The following USP39 variants were observed in gnomAD, a reference collection of about 807,000 sequenced individuals.
The protein encoded by USP39 is ubiquitin specific peptidase 39, also known as ubiquitin carboxyl-terminal hydrolase 39.
Under a neutral mutation model 66.4 loss-of-function variants are expected in USP39, and 38 were observed. The observed-to-expected ratio is 0.57, with a 90% CI of 0.44 to 0.75. The LOEUF (loss-of-function observed/expected upper bound fraction) is 0.75, where lower values mean the gene tolerates loss of function less well. Among genes scored for constraint, USP39 ranks in the 30% least tolerant of loss-of-function variants. The pLI is 0.00. For missense variants in USP39, 608 were observed against 714.4 expected (o/e 0.85, Z 1.70); for synonymous variants, 303 against 274.6 (o/e 1.10, Z -1.02).
At chr2:85,618,109 C>T (rs1326984013) in intron 1 of USP39, among the ~76,000 whole-genome samples, 3 of 152,076 alleles carry the variant, frequency 2.0e-5, no homozygotes, top group Admixed American at 6.5e-5. Flanking sequence ...TGCATGCCAC[C>T]ATGCCCGGCT....
In USP39 at chr2:85,648,915, C is replaced by A; in HGVS notation, c.*107C>A. 1.5e-6 allele frequency: 2 copies of A among 1,374,258 alleles called. No individual in the cohort carries two copies. Among genetic ancestry groups the A allele is most frequent in the Non-Finnish European group, 2.0e-6 (2 of 976,030 alleles). 85.1% of individuals were successfully genotyped at this position (1,374,258 alleles called of 1,614,324 possible). A position where few individuals can be genotyped will look rare whatever the true frequency, so the allele number is the denominator to read the frequency against. On this transcript the variant is annotated 3_prime_UTR_variant, in exon 13 of 13. Transcript: ENST00000323701. ...CTGGCTGGTGGGCTTCCTAGGCCAG[C>A]CCAGCTTGTATGGGTTCTGGCTACA... is the stretch of plus-strand genomic sequence containing the variant.
chr2:85,612,746 C>T (rs868092061), upstream of USP39, among the ~76,000 whole-genome samples: 4 of 152,068 alleles, frequency 2.6e-5, no homozygotes, highest in Middle Eastern at 3.4e-3. Context: ...CTGCAACCTC[C>T]GCCTCCCGGG....
intron 9 of USP39, chr2:85,639,612 G>A: frequency 2.4e-6 from 1 of 411,580 alleles, no homozygotes; most frequent in South Asian, 4.0e-5. Flanking sequence ...CCGCCACCAT[G>A]ACTGGCTAAT....
intron 4 of USP39, among the ~76,000 whole-genome samples, chr2:85,624,106 G>A (rs993608925): frequency 6.6e-6 from 1 of 152,124 alleles, no homozygotes; most frequent in African/African-American, 2.4e-5. Context: ...ATTGGTCCTG[G>A]TGTAGGACAG....
At position 85,648,764 on chromosome 2, in the gene USP39, T is replaced by C; in HGVS notation, c.1654T>C (p.Trp552Arg). 6.2e-7 allele frequency: 1 copy of C among 1,614,118 alleles called. No homozygotes were observed. Among genetic ancestry groups the C allele is most frequent in the Non-Finnish European group, 8.5e-7 (1 of 1,179,962 alleles). ...TTTGTGTTTTCATTTCTTACAGATTTGGAAGAGGCGAGATAATGATGAAAC... is the reference window on the plus strand; with the variant it reads ...TTTGTGTTTTCATTTCTTACAGATTCGGAAGAGGCGAGATAATGATGAAAC... ...ITLSEAYIQI[W>R]KRRDNDETNQ... is the part of the protein sequence containing the mutation. The change falls in exon 13 of 13, where the codon TGG becomes CGG. Residue 552 changes from tryptophan (W) to arginine (R), a missense_variant. By Grantham distance (101) the Trp-to-Arg change is moderately radical. This residue lies in a region of USP39 where 164 missense variants were observed against 250.3 expected (regional missense o/e 0.66). Coordinates refer to ENST00000323701, the MANE Select transcript of USP39 (RefSeq NM_006590.4).
chr2:85,612,376 C>G (rs1302317408), upstream of USP39: 8 of 1,535,512 alleles, frequency 5.2e-6, no homozygotes, highest in East Asian at 1.7e-4. Context: ...GGATGCTGTG[C>G]AATCCATCGC....
intron 10 of USP39, among the ~76,000 whole-genome samples, chr2:85,642,224 TC>T (rs1319445721): frequency 6.6e-6 from 1 of 152,196 alleles, no homozygotes; most frequent in Admixed American, 6.6e-5. Flanking sequence ...CAGGGGAATT[TC>T]TTTTTCTCTT....
chr2:85,622,334 A>G (rs1356205953), intron 3 of USP39, among the ~76,000 whole-genome samples: 1 of 145,204 alleles, frequency 6.9e-6, no homozygotes, highest in Non-Finnish European at 1.5e-5. Context: ...TATTGGCCAC[A>G]CTGGTCTTGA....
At chr2:85,603,589 CTTTT>C (rs1405108736) in intron 1 of USP39, among the ~76,000 whole-genome samples, 1 of 150,590 alleles carries the variant, frequency 6.6e-6, no homozygotes, top group Non-Finnish European at 1.5e-5. Context: ...TTTACTTTTT[CTTTT>C]TCTTTTTTTT....
In USP39 at chr2:85,640,994, G is replaced by C; in HGVS notation, c.1303G>C (p.Glu435Gln). ...ITEKEYKTYK[E>Q]NFLKRFQLTK... is the part of the protein sequence containing the mutation. ...TCTCTAGGAATATAAGACTTACAAG[G>C]AGAACTTTCTGAAGCGCTTCCAGCT... Residue 435 changes from glutamate (E) to glutamine (Q), a missense_variant, in exon 10 of 13, where the codon GAG becomes CAG. By Grantham distance (29) the Glu-to-Gln change is conservative. Coordinates refer to ENST00000323701, the MANE Select transcript of USP39 (RefSeq NM_006590.4). The C allele has an allele frequency of 6.2e-7, 1 of 1,611,588 alleles. No homozygotes were observed. The highest frequency in any genetic ancestry group is 8.5e-7 in the Non-Finnish European group (1 of 1,179,518).
rs901882971 is a variant in USP39, at chr2:85,649,174, C to T, written c.*366C>T. 5.0e-5 allele frequency: 10 copies of T among 200,944 alleles called. No homozygotes were observed. Among genetic ancestry groups the T allele is most frequent in the Non-Finnish European group, 8.0e-5 (8 of 100,474 alleles). The allele number at this position is 200,944 out of a possible 1,614,324, so 12.4% of individuals were successfully genotyped here. A position where few individuals can be genotyped will look rare whatever the true frequency, so the allele number is the denominator to read the frequency against. On this transcript the variant is annotated 3_prime_UTR_variant, in exon 13 of 13. Coordinates refer to ENST00000323701, the MANE Select transcript of USP39 (RefSeq NM_006590.4). ...CAAGCCTTGGGATTCTTGGAGCAAG[C>T]AGAAAGCCAGTAACTTCGCTCTGTT...
At chr2:85,614,760 T>C (rs898667963), upstream of USP39, among the ~76,000 whole-genome samples, 3 of 152,220 alleles carry the variant, frequency 2.0e-5, no homozygotes, top group South Asian at 4.1e-4. Context: ...TCTCCAGATA[T>C]TGGGATATTA....
intron 5 of USP39, among the ~76,000 whole-genome samples, chr2:85,629,934 C>T (rs1226865420): frequency 6.6e-6 from 1 of 152,018 alleles, no homozygotes; most frequent in Non-Finnish European, 1.5e-5. Flanking sequence ...TGCACTCCAG[C>T]CTGGGGGATG....
At chr2:85,628,729 A>G (rs1453251879) in intron 5 of USP39, among the ~76,000 whole-genome samples, 2 of 152,168 alleles carry the variant, frequency 1.3e-5, no homozygotes, top group East Asian at 3.9e-4. Flanking sequence ...GAGAATTAGG[A>G]TAAACTTTGT....
chr2:85,643,094 A>G (rs970282931), intron 10 of USP39, among the ~76,000 whole-genome samples: 2 of 151,930 alleles, frequency 1.3e-5, no homozygotes, highest in Non-Finnish European at 2.9e-5. Flanking sequence ...AAAAAAATGA[A>G]TAGTTTGCTC....
At chr2:85,634,071 T>G (rs1415878349) in intron 6 of USP39, among the ~76,000 whole-genome samples, 1 of 150,330 alleles carries the variant, frequency 6.7e-6, no homozygotes. Context: ...TCTCCTGACC[T>G]CGTGATCCGT....
rs1305725553 is a variant in USP39 at position 85,625,666 on chromosome 2, A to G, written c.698A>G (p.Asn233Ser). 1.2e-6 allele frequency: 2 copies of G among 1,613,688 alleles called. No homozygotes were observed. The highest frequency in any genetic ancestry group is 1.7e-6 in the Non-Finnish European group (2 of 1,179,704). ...GIVGLNNIKA[N>S]DYANAVLQAL... ...GTGGGACTGAATAACATAAAGGCCA[A>G]TGATTATGCCAACGCTGTCCTTCAG... The change falls in exon 5 of 13, where the codon AAT (asparagine) becomes AGT (serine). Residue 233 changes from asparagine (N) to serine (S), a missense_variant. Asn to Ser is a conservative substitution (Grantham distance 46). Around this residue, in one of 6 missense-constraint regions of USP39, gnomAD observed 115 missense variants for 198.6 expected, o/e 0.58. Transcript: ENST00000323701.
chr2:85,636,200 G>A (rs1675756647), intron 7 of USP39, 70 bp downstream of exon 7: 1 of 1,425,602 alleles, frequency 7.0e-7, no homozygotes, highest in Admixed American at 1.7e-5. Flanking sequence ...GGTCGCAATG[G>A]CTCATGCCTA....
intron 6 of USP39, among the ~76,000 whole-genome samples, chr2:85,631,794 G>C (rs192287510): frequency 6.6e-6 from 1 of 152,022 alleles, no homozygotes; most frequent in Non-Finnish European, 1.5e-5. Flanking sequence ...CATTGCCCAG[G>C]CTGGAGTGCA....
Sources: gnomAD v4.1 joint callset for allele counts (sites outside exome capture counted in the v4.1 genomes callset) on GRCh38, gnomAD v4.1.1 for gene constraint, gnomAD v4.1.1 regional missense constraint, MANE v1.5 for transcripts, NCBI Gene and HGNC (gene_info 2026-07-23, HGNC 2026-07-21) for gene names.